The following SSBP2 variants were observed in gnomAD, a reference collection of about 807,000 sequenced individuals.
The protein encoded by SSBP2 is single-stranded DNA-binding protein 2.
A neutral mutation model predicts 61.8 loss-of-function variants in SSBP2; 17 were observed. The ratio of observed to expected loss-of-function variants is 0.28; its 90% CI spans 0.19 to 0.41. The LOEUF (loss-of-function observed/expected upper bound fraction) is 0.41. SSBP2 is among the 10% of genes least tolerant of loss of function. The probability of loss-of-function intolerance (pLI) is 1.00; values close to 1 mark genes in which losing one functional copy is unlikely to be tolerated. For missense variants in SSBP2, 310 were observed against 458.7 expected (o/e 0.68, Z 2.96); for synonymous variants, 139 against 141.3 (o/e 0.98, Z 0.12).
At chr5:81,712,188 C>A (rs1448469432) in intron 1 of SSBP2, among the ~76,000 whole-genome samples, 1 of 150,226 alleles carries the variant, frequency 6.7e-6, no homozygotes, top group East Asian at 1.9e-4. Context: ...ATTCATAAGA[C>A]CTTCTAATAA....
At chr5:81,732,505 A>AT (rs1245394837) in intron 1 of SSBP2, among the ~76,000 whole-genome samples, 4 of 152,218 alleles carry the variant, frequency 2.6e-5, no homozygotes, top group African/African-American at 9.7e-5. Context: ...CTCAAACTTA[A>AT]TTTTTTTACC....
chr5:81,516,202 TACTA>T (rs924505272), intron 4 of SSBP2, among the ~76,000 whole-genome samples: 1 of 152,060 alleles, frequency 6.6e-6, no homozygotes, highest in African/African-American at 2.4e-5. Flanking sequence ...TTACAGTGAC[TACTA>T]ACTGATTTCC....
At chr5:81,427,435 A>T (rs1017371373) in intron 16 of SSBP2, among the ~76,000 whole-genome samples, 47 of 152,312 alleles carry the variant, frequency 3.1e-4, no homozygotes, top group African/African-American at 1.1e-3. Flanking sequence ...GAACTCTAAA[A>T]ACAGGGGATG....
intron 6 of SSBP2, among the ~76,000 whole-genome samples, chr5:81,479,587 C>G (rs1466003518): frequency 2.8e-5 from 3 of 107,244 alleles, no homozygotes; most frequent in African/African-American, 1.1e-4. Context: ...GCCACTGTGC[C>G]CGGCCGCTTT....
chr5:81,510,839 A>AT (rs1477956121), intron 5 of SSBP2, among the ~76,000 whole-genome samples: 2 of 152,168 alleles, frequency 1.3e-5, no homozygotes, highest in Non-Finnish European at 2.9e-5. Context: ...TTCCTCTGCA[A>AT]TTCTGACTAC....
At position 81,652,565 on chromosome 5, in the gene SSBP2, C is replaced by T. The variant is rs35211801; in HGVS notation, c.63-2226G>A. ...ACCAACAGGGTGATGAAGTGGGATCCGGCTGAGAAAACCTATCTATAATGC... is the reference window on the plus strand; with the variant it reads ...ACCAACAGGGTGATGAAGTGGGATCTGGCTGAGAAAACCTATCTATAATGC... On this transcript the variant is annotated intron_variant, in intron 1 of 16. Coordinates refer to ENST00000320672, the MANE Select transcript of SSBP2 (RefSeq NM_012446.5). Among the ~76,000 whole-genome samples, 1,002 of 152,186 alleles carry T rather than the reference C, an allele frequency of 6.6e-3. 6 individuals are homozygous for T. The highest frequency in any genetic ancestry group is 0.011 in the Non-Finnish European group (754 of 68,016).
At chr5:81,608,286 C>G (rs1745073127) in intron 4 of SSBP2, among the ~76,000 whole-genome samples, 2 of 152,048 alleles carry the variant, frequency 1.3e-5, no homozygotes, top group Non-Finnish European at 2.9e-5. Context: ...CTTCTTCATT[C>G]TCATTCATTA....
intron 3 of SSBP2, among the ~76,000 whole-genome samples, chr5:81,631,579 T>C (rs1317015543): frequency 6.6e-6 from 1 of 151,986 alleles, no homozygotes; most frequent in Non-Finnish European, 1.5e-5. Context: ...GGCATCACAA[T>C]GCATTCATAA....
At chr5:81,700,647 G>C (rs1325490966) in intron 1 of SSBP2, among the ~76,000 whole-genome samples, 1 of 152,104 alleles carries the variant, frequency 6.6e-6, no homozygotes, top group Non-Finnish European at 1.5e-5. Flanking sequence ...TCTTGTTTAG[G>C]GTAGCCTCAC....
At chr5:81,657,471 T>C (rs1435628076) in intron 1 of SSBP2, among the ~76,000 whole-genome samples, 1 of 151,836 alleles carries the variant, frequency 6.6e-6, no homozygotes, top group Non-Finnish European at 1.5e-5. Flanking sequence ...AGAAAAAGAG[T>C]ATAAGGAAAT....
At chr5:81,709,556 T>C (rs1283447390) in intron 1 of SSBP2, among the ~76,000 whole-genome samples, 1 of 151,708 alleles carries the variant, frequency 6.6e-6, no homozygotes, top group East Asian at 1.9e-4. Context: ...CACAAACATA[T>C]AAAAGTGTGA....
intron 6 of SSBP2, among the ~76,000 whole-genome samples, chr5:81,482,418 C>T (rs1391978404): frequency 1.3e-5 from 2 of 152,160 alleles, no homozygotes; most frequent in African/African-American, 4.8e-5. Flanking sequence ...GCATCTTCTT[C>T]CAACAGTTTA....
At chr5:81,687,544 C>T (rs888934275) in intron 1 of SSBP2, among the ~76,000 whole-genome samples, 3 of 152,204 alleles carry the variant, frequency 2.0e-5, no homozygotes. Flanking sequence ...TACCACTCCT[C>T]CCTCAATCAA....
chr5:81,735,019 C>CA (rs1199440327), intron 1 of SSBP2, among the ~76,000 whole-genome samples: 2 of 150,194 alleles, frequency 1.3e-5, no homozygotes, highest in African/African-American at 2.4e-5. Flanking sequence ...AGTTGACCTG[C>CA]ATATGCTCCT....
intron 16 of SSBP2, among the ~76,000 whole-genome samples, chr5:81,425,514 T>G (rs1490732975): frequency 6.6e-6 from 1 of 152,224 alleles, no homozygotes; most frequent in Non-Finnish European, 1.5e-5. Context: ...ACTCAATTGA[T>G]TATATTTCAG....
At chr5:81,512,582 C>A (rs1479246356) in intron 5 of SSBP2, among the ~76,000 whole-genome samples, 1 of 152,094 alleles carries the variant, frequency 6.6e-6, no homozygotes, top group Non-Finnish European at 1.5e-5. Context: ...GGTATTAATA[C>A]AGAGTAGCTG....
At chr5:81,453,863 T>C (rs1318867732) in intron 10 of SSBP2, among the ~76,000 whole-genome samples, 1 of 152,116 alleles carries the variant, frequency 6.6e-6, no homozygotes, top group Non-Finnish European at 1.5e-5. Flanking sequence ...AGAAACATTA[T>C]TAAACCAAAA....
intron 3 of SSBP2, among the ~76,000 whole-genome samples, chr5:81,621,780 A>G (rs1237207340): frequency 2.0e-5 from 2 of 98,550 alleles, no homozygotes; most frequent in Non-Finnish European, 4.1e-5. Flanking sequence ...GCAGCCATAA[A>G]AAATGATGAG....
chr5:81,519,451 C>A (rs1472878148), intron 4 of SSBP2, among the ~76,000 whole-genome samples: 1 of 152,118 alleles, frequency 6.6e-6, no homozygotes, highest in Non-Finnish European at 1.5e-5. Context: ...CTTTCTTCTA[C>A]CAGCCAGGCA....
Sources: allele counts gnomAD v4.1 joint callset (sites outside exome capture counted in the v4.1 genomes callset), GRCh38; gene constraint gnomAD v4.1.1; transcripts MANE v1.5; gene names NCBI Gene and HGNC (gene_info 2026-07-23, HGNC 2026-07-21).